The following SLCO5A1 variants were observed in gnomAD, a reference collection of about 807,000 sequenced individuals.
SLCO5A1 encodes solute carrier organic anion transporter family member 5A1, also known as organic anion transporter polypeptide-related protein 4.
In SLCO5A1, 39 loss-of-function variants were observed where a neutral mutation model predicts 65.1. The observed-to-expected ratio is 0.60, with a 90% CI of 0.46 to 0.78. The LOEUF (loss-of-function observed/expected upper bound fraction) is 0.78. SLCO5A1 is among the 30% of genes least tolerant of loss of function. The pLI, the probability that SLCO5A1 is intolerant of heterozygous loss-of-function variation, is 0.00. For missense variants in SLCO5A1, 1,029 were observed against 1,069.4 expected (o/e 0.96, Z 0.53); for synonymous variants, 438 against 415.7 (o/e 1.05, Z -0.65).
intron 5 of SLCO5A1, among the ~76,000 whole-genome samples, chr8:69,724,457 C>T (rs534777491): frequency 2.6e-5 from 4 of 152,176 alleles, no homozygotes; most frequent in South Asian, 2.1e-4. Flanking sequence ...AATTTCAGTA[C>T]GATGACTTGA....
intron 7 of SLCO5A1, among the ~76,000 whole-genome samples, chr8:69,680,467 AT>A (rs1177498686): frequency 1.3e-5 from 2 of 152,116 alleles, no homozygotes; most frequent in Non-Finnish European, 2.9e-5. Context: ...TCATGATTTT[AT>A]TCTTTTTTAT....
intron 2 of SLCO5A1, among the ~76,000 whole-genome samples, chr8:69,807,073 A>C (rs1254683492): frequency 1.3e-5 from 2 of 152,264 alleles, no homozygotes; most frequent in Non-Finnish European, 2.9e-5. Flanking sequence ...GAGGCATCAT[A>C]TTACCCAATT....
intron 2 of SLCO5A1, among the ~76,000 whole-genome samples, chr8:69,775,023 T>C (rs1736902344): frequency 6.6e-6 from 1 of 152,204 alleles, no homozygotes. Context: ...CAGCAATTTT[T>C]TTTTTATTTT....
intron 2 of SLCO5A1, among the ~76,000 whole-genome samples, chr8:69,826,335 G>T (rs879747157): frequency 1.2e-3 from 179 of 151,966 alleles, no homozygotes; most frequent in Non-Finnish European, 2.1e-3. Context: ...CCATCAGAGT[G>T]AACAGGTAAC....
intron 2 of SLCO5A1, among the ~76,000 whole-genome samples, chr8:69,795,988 G>A (rs967316987): frequency 6.6e-6 from 1 of 152,186 alleles, no homozygotes; most frequent in Non-Finnish European, 1.5e-5. Context: ...ACTCTTTGAG[G>A]CATGGCTGAA....
At chr8:69,753,303 G>A (rs920166777) in intron 4 of SLCO5A1, among the ~76,000 whole-genome samples, 1 of 152,162 alleles carries the variant, frequency 6.6e-6, no homozygotes, top group Non-Finnish European at 1.5e-5. Context: ...CAGTCATCTG[G>A]TTAAGACTTC....
At chr8:69,768,335 C>T (rs1818167519) in intron 2 of SLCO5A1, among the ~76,000 whole-genome samples, 1 of 152,218 alleles carries the variant, frequency 6.6e-6, no homozygotes, top group South Asian at 2.1e-4. Flanking sequence ...GTCTCTGGTT[C>T]CTCCTTTCTC....
chr8:69,822,872 C>A (rs1820707066), intron 2 of SLCO5A1, among the ~76,000 whole-genome samples: 1 of 152,182 alleles, frequency 6.6e-6, no homozygotes, highest in South Asian at 2.1e-4. Flanking sequence ...CTTTCTAAGG[C>A]ATGGGGCCAA....
Position 69,824,332 on chromosome 8 carries a change from C to G in SLCO5A1, c.907+7435G>C, listed in dbSNP as rs974203718. 3.1e-4 allele frequency among the ~76,000 whole-genome samples: 47 copies of G among 152,198 alleles called. 1 individual carries two copies. Among genetic ancestry groups the G allele is most frequent in the African/African-American group, 1.1e-3 (44 of 41,510 alleles). On this transcript the variant is annotated intron_variant, in intron 2 of 9. Transcript: ENST00000260126. ...AAAACCCTTCAAAAAATTAATGAAT[C>G]CAGGAGCTGGTTTTTTGAACAGATC...
chr8:69,791,053 A>G (rs1819248366), intron 2 of SLCO5A1, among the ~76,000 whole-genome samples: 1 of 152,202 alleles, frequency 6.6e-6, no homozygotes, highest in African/African-American at 2.4e-5. Context: ...GGAGGAGGGA[A>G]GAAAGGAAGG....
chr8:69,821,431 A>G (rs1025615687), intron 2 of SLCO5A1, among the ~76,000 whole-genome samples: 7 of 151,488 alleles, frequency 4.6e-5, no homozygotes, highest in African/African-American at 1.5e-4. Context: ...GAAGAGGAAG[A>G]AGGAGGAGGA....
At position 69,693,934 on chromosome 8, in the gene SLCO5A1, CCA is replaced by C. The variant is rs1814381182; in HGVS notation, c.1622+11095_1622+11096del. Among the ~76,000 whole-genome samples, 5 of 152,308 alleles carry C rather than the reference CCA, an allele frequency of 3.3e-5. No homozygotes were observed. In the South Asian group the frequency reaches 1.0e-3, roughly 32 times the overall value. ...AGCCCAGAAAAGTCAAATAATTTGC[CCA>C]TACTCAGACAGCCAGTATGTGGCAA... On this transcript the variant is annotated intron_variant, in intron 6 of 9. Transcript: ENST00000260126.
chr8:69,750,607 C>A (rs1471439918), intron 4 of SLCO5A1, among the ~76,000 whole-genome samples: 3 of 152,140 alleles, frequency 2.0e-5, no homozygotes, highest in Non-Finnish European at 4.4e-5. Context: ...AGTTTTCTGG[C>A]CTTTGCTCTC....
intron 2 of SLCO5A1, among the ~76,000 whole-genome samples, chr8:69,793,854 GGAGA>G (rs1230266036): frequency 6.6e-6 from 1 of 152,048 alleles, no homozygotes; most frequent in African/African-American, 2.4e-5. Context: ...AGGGAGTAGA[GGAGA>G]GAGAAGAATG....
At chr8:69,796,333 GC>G (rs1468476973) in intron 2 of SLCO5A1, among the ~76,000 whole-genome samples, 1 of 151,872 alleles carries the variant, frequency 6.6e-6, no homozygotes, top group Non-Finnish European at 1.5e-5. Context: ...AAATTCCAGG[GC>G]CAGGTGCAGT....
chr8:69,814,556 G>T (rs1279504101), intron 2 of SLCO5A1, among the ~76,000 whole-genome samples: 1 of 152,142 alleles, frequency 6.6e-6, no homozygotes, highest in African/African-American at 2.4e-5. Context: ...CACTGCTAAT[G>T]GAATGTAAAT....
chr8:69,798,880 T>A (rs1341664079), intron 2 of SLCO5A1, among the ~76,000 whole-genome samples: 1 of 152,262 alleles, frequency 6.6e-6, no homozygotes, highest in East Asian at 1.9e-4. Context: ...ATCCTAACTT[T>A]TATAGTTATC....
At chr8:69,721,406 C>A (rs1235121688) in intron 5 of SLCO5A1, among the ~76,000 whole-genome samples, 1 of 152,198 alleles carries the variant, frequency 6.6e-6, no homozygotes, top group African/African-American at 2.4e-5. Context: ...ATGTATTTAA[C>A]TACCTCGTGT....
rs778158107 is a variant in SLCO5A1, at chr8:69,673,154, A to G, written c.2262T>C (p.Phe754=). The change falls in exon 10 of 10, where the codon TTT becomes TTC. Residue 754 remains phenylalanine, a synonymous_variant. Coordinates refer to ENST00000260126, the MANE Select transcript of SLCO5A1 (RefSeq NM_030958.3). ...GLKFVGFIFI[F]LAWYSIKYKE... is the part of the protein sequence containing the mutation. ...TGTATTTTATGGAGTACCAGGCCAG[A>G]AAAATAAAAATAAACCCAACGAATT... is the stretch of plus-strand genomic sequence containing the variant. 6.2e-7 allele frequency: 1 copy of G among 1,614,110 alleles called. No individual in the cohort carries two copies. The highest frequency in any genetic ancestry group is 1.3e-5 in the African/African-American group (1 of 74,938).
Sources: gnomAD v4.1 joint callset for allele counts (sites outside exome capture counted in the v4.1 genomes callset) on GRCh38, gnomAD v4.1.1 for gene constraint, MANE v1.5 for transcripts, NCBI Gene and HGNC (gene_info 2026-07-23, HGNC 2026-07-21) for gene names.